The following MAGI1 variants were observed in gnomAD, a reference collection of about 807,000 sequenced individuals.
MAGI1 encodes the protein membrane-associated guanylate kinase, WW and PDZ domain-containing protein 1.
MAGI1 carries 58 observed loss-of-function variants against 139.9 expected under a neutral mutation model. The observed-to-expected ratio is 0.41, with a 90% CI of 0.34 to 0.52. The LOEUF is 0.52. MAGI1 is among the 20% of genes least tolerant of loss of function. The pLI, the probability that MAGI1 is intolerant of heterozygous loss-of-function variation, is 0.12. For synonymous variants in MAGI1, 812 were observed against 737.9 expected (o/e 1.10, Z -1.63); for missense variants, 1,874 against 1,901.6 (o/e 0.99, Z 0.27).
chr3:65,895,142 T>A (rs1178036988), intron 1 of MAGI1, among the ~76,000 whole-genome samples: 1 of 152,244 alleles, frequency 6.6e-6, no homozygotes, highest in East Asian at 1.9e-4. Flanking sequence ...AATAAATCCA[T>A]CAGTCCTTTA....
At chr3:65,376,765 G>C (rs1322744893) in intron 17 of MAGI1, among the ~76,000 whole-genome samples, 1 of 152,138 alleles carries the variant, frequency 6.6e-6, no homozygotes. Flanking sequence ...CCAAAGCTAG[G>C]TTCAAATCAT....
intron 4 of MAGI1, among the ~76,000 whole-genome samples, chr3:65,473,639 C>CAAA (rs35970775): frequency 1.1e-3 from 97 of 87,246 alleles, no homozygotes; most frequent in African/African-American, 1.6e-3. Context: ...TACATGTTTA[C>CAAA]AAAAAAAAAA....
chr3:65,751,103 A>C (rs777672793), intron 1 of MAGI1, among the ~76,000 whole-genome samples: 1 of 152,222 alleles, frequency 6.6e-6, no homozygotes, highest in Non-Finnish European at 1.5e-5. Context: ...TGGCACTGGG[A>C]AACAGCTTGG....
chr3:65,973,181 AAAAT>A (rs1349217144), intron 1 of MAGI1, among the ~76,000 whole-genome samples: 11 of 152,096 alleles, frequency 7.2e-5, no homozygotes, highest in Non-Finnish European at 1.3e-4. Flanking sequence ...AATATAAAAT[AAAAT>A]AAATAAAAGG....
At chr3:65,796,523 G>A (rs186482118) in intron 1 of MAGI1, among the ~76,000 whole-genome samples, 2 of 152,226 alleles carry the variant, frequency 1.3e-5, no homozygotes, top group Admixed American at 6.5e-5. Flanking sequence ...GAGGGGAAAC[G>A]GACACACTGG....
intron 1 of MAGI1, among the ~76,000 whole-genome samples, chr3:65,814,832 A>C (rs1480174657): frequency 6.6e-6 from 1 of 152,230 alleles, no homozygotes; most frequent in Non-Finnish European, 1.5e-5. Flanking sequence ...TAAAACAAAG[A>C]CATAAAATGG....
chr3:65,799,416 G>A (rs1441781304), intron 1 of MAGI1, among the ~76,000 whole-genome samples: 6 of 152,176 alleles, frequency 3.9e-5, no homozygotes, highest in Admixed American at 2.0e-4. Flanking sequence ...TGCAAGTAGC[G>A]AATGGTTGTG....
At chr3:65,387,286 TTTAA>T (rs1943525885) in intron 14 of MAGI1, 1 of 1,275,386 alleles carries the variant, frequency 7.8e-7, no homozygotes, top group African/African-American at 1.5e-5. Context: ...CTTAGTTCAC[TTTAA>T]TTTAGTTTTG....
At chr3:65,979,013 TCTCA>T (rs2065410268) in intron 1 of MAGI1, among the ~76,000 whole-genome samples, 1 of 150,794 alleles carries the variant, frequency 6.6e-6, no homozygotes, top group African/African-American at 2.4e-5. Context: ...CAACTATCCA[TCTCA>T]CTCACGTTTT....
At chr3:65,631,944 G>A (rs1199827851) in intron 1 of MAGI1, among the ~76,000 whole-genome samples, 1 of 151,288 alleles carries the variant, frequency 6.6e-6, no homozygotes, top group East Asian at 2.0e-4. Flanking sequence ...AGAATTGCTT[G>A]AACCCAGGAG....
chr3:66,023,325 T>C lies in MAGI1; in HGVS notation c.313+14671A>G, dbSNP rs72895295. Among the ~76,000 whole-genome samples the C allele has an allele frequency of 8.0e-3, 1,221 of 152,298 alleles. 17 individuals carry two copies. Among genetic ancestry groups the C allele is most frequent in the African/African-American group, 0.023 (951 of 41,544 alleles). Reference sequence around the variant, plus strand: ...GTAAGATTTTAACCCTGCATTGGACTTTTGCTGACAATTTTATAGTTTTAA... The same window carrying C: ...GTAAGATTTTAACCCTGCATTGGACCTTTGCTGACAATTTTATAGTTTTAA... On this transcript the variant is annotated intron_variant, in intron 1 of 22. Coordinates refer to ENST00000402939, the MANE Select transcript of MAGI1 (RefSeq NM_001033057.2).
intron 5 of MAGI1, among the ~76,000 whole-genome samples, chr3:65,458,951 C>T (rs995787584): frequency 5.3e-5 from 8 of 152,106 alleles, no homozygotes; most frequent in African/African-American, 1.9e-4. Flanking sequence ...AGACTAAAGC[C>T]TTTAATCCAT....
At chr3:65,521,025 T>C (rs752281616) in intron 2 of MAGI1, among the ~76,000 whole-genome samples, 4 of 152,214 alleles carry the variant, frequency 2.6e-5, no homozygotes, top group Non-Finnish European at 2.9e-5. Flanking sequence ...CATGATTTTA[T>C]CAATCCATCC....
chr3:65,397,870 T>C (rs1944518516), intron 13 of MAGI1, among the ~76,000 whole-genome samples: 1 of 152,102 alleles, frequency 6.6e-6, no homozygotes, highest in Non-Finnish European at 1.5e-5. Flanking sequence ...TGGTTATTAT[T>C]TCTCCCTCCC....
intron 2 of MAGI1, among the ~76,000 whole-genome samples, chr3:65,592,785 G>C (rs7617874): frequency 0.54 from 81,273 of 151,876 alleles, 22,151 homozygotes; most frequent in East Asian, 0.81. Context: ...TGCAAGCAAC[G>C]AACCCAACTT....
chr3:65,974,725 C>T (rs1241353068), intron 1 of MAGI1, among the ~76,000 whole-genome samples: 1 of 152,148 alleles, frequency 6.6e-6, no homozygotes, highest in Non-Finnish European at 1.5e-5. Flanking sequence ...ACTGTGTGCG[C>T]CTCTCCACAG....
intron 1 of MAGI1, among the ~76,000 whole-genome samples, chr3:65,692,345 C>T (rs757852220): frequency 1.3e-5 from 2 of 152,146 alleles, no homozygotes; most frequent in African/African-American, 4.8e-5. Context: ...TGATGGCATA[C>T]TCTGGGTTAA....
intron 14 of MAGI1, among the ~76,000 whole-genome samples, chr3:65,388,294 C>T (rs1222739022): frequency 6.6e-6 from 1 of 152,008 alleles, no homozygotes; most frequent in Non-Finnish European, 1.5e-5. Context: ...TCCACATTGC[C>T]CCTAATAAAA....
At chr3:65,725,745 C>T (rs2033532998) in intron 1 of MAGI1, among the ~76,000 whole-genome samples, 1 of 152,160 alleles carries the variant, frequency 6.6e-6, no homozygotes, top group Admixed American at 6.5e-5. Context: ...CATTCCATTC[C>T]AGCCTACTTA....
Sources: gnomAD v4.1 joint callset for allele counts (sites outside exome capture counted in the v4.1 genomes callset) on GRCh38, gnomAD v4.1.1 for gene constraint, MANE v1.5 for transcripts, NCBI Gene and HGNC (gene_info 2026-07-23, HGNC 2026-07-21) for gene names.